The following CSMD1 variants were observed in gnomAD, a reference collection of about 807,000 sequenced individuals.
The protein encoded by CSMD1 is CUB and sushi domain-containing protein 1.
In CSMD1, 213 loss-of-function variants were observed where a neutral mutation model predicts 417.5. The ratio of observed to expected loss-of-function variants is 0.51; its 90% CI spans 0.46 to 0.57. The LOEUF (loss-of-function observed/expected upper bound fraction) is 0.57. Among genes scored for constraint, CSMD1 ranks in the 20% least tolerant of loss-of-function variants. The probability of loss-of-function intolerance (pLI) is 0.00; values close to 1 mark genes in which losing one functional copy is unlikely to be tolerated. For missense variants in CSMD1, 6,923 were observed against 4,529.7 expected, an observed-to-expected ratio of 1.53 and a Z score of -15.17; for synonymous variants, 2,862 against 1,736.8, an observed-to-expected ratio of 1.65 and a Z score of -16.11.
Position 4,499,737 on chromosome 8 carries a change from G to A in CSMD1, c.303-79672C>T, listed in dbSNP as rs570228944. On this transcript the variant is annotated intron_variant, in intron 2 of 69. Transcript: ENST00000635120. ...GTGAAGTTGATATGGGCATTGACAAGAATATTAGAAAAATAAGAAAGTTAG... is the reference window on the plus strand; with the variant it reads ...GTGAAGTTGATATGGGCATTGACAAAAATATTAGAAAAATAAGAAAGTTAG... Among the ~76,000 whole-genome samples the A allele has an allele frequency of 1.1e-4, 17 of 152,236 alleles. No individual in the cohort carries two copies. In the East Asian group the frequency reaches 1.7e-3, roughly 16 times the overall value.
At chr8:3,258,646 G>A (rs1800832464) in intron 26 of CSMD1, among the ~76,000 whole-genome samples, 1 of 152,180 alleles carries the variant, frequency 6.6e-6, no homozygotes, top group Non-Finnish European at 1.5e-5. Context: ...GCATGCATAT[G>A]TTCAGTGCAG....
chr8:4,757,139 G>C (rs1255058652), intron 1 of CSMD1, among the ~76,000 whole-genome samples: 2 of 152,314 alleles, frequency 1.3e-5, no homozygotes, highest in East Asian at 3.9e-4. Flanking sequence ...ACTGAGAATA[G>C]ATGCGAATAA....
intron 3 of CSMD1, among the ~76,000 whole-genome samples, chr8:4,145,258 T>C (rs1184069003): frequency 2.6e-5 from 4 of 151,056 alleles, no homozygotes; most frequent in Admixed American, 6.6e-5. Context: ...CAGGTATAAC[T>C]GGAACTTGTA....
At position 3,685,731 on chromosome 8, in the gene CSMD1, C is replaced by CT. The variant is rs35755010; in HGVS notation, c.1009+22682dup. On this transcript the variant is annotated intron_variant, in intron 7 of 69. Transcript: ENST00000635120. Reference sequence around the variant, plus strand: ...TAAGATCAGAAGGGTCAATTTCTTTCTTTTTTTTTATAACATGTTTTATTG... The same window carrying CT: ...TAAGATCAGAAGGGTCAATTTCTTTCTTTTTTTTTTATAACATGTTTTATTG... Among the ~76,000 whole-genome samples, 996 of 151,176 alleles carry CT rather than the reference C, an allele frequency of 6.6e-3. 12 individuals carry two copies. The highest frequency in any genetic ancestry group is 0.017 in the African/African-American group (692 of 41,140).
At chr8:4,321,928 T>G (rs775861858) in intron 3 of CSMD1, among the ~76,000 whole-genome samples, 2 of 152,128 alleles carry the variant, frequency 1.3e-5, no homozygotes, top group Non-Finnish European at 2.9e-5. Flanking sequence ...CAGTATATTT[T>G]TATTTCTGCA....
chr8:2,949,909 T>G (rs1362713320), intron 67 of CSMD1, among the ~76,000 whole-genome samples: 1 of 152,140 alleles, frequency 6.6e-6, no homozygotes, highest in Admixed American at 6.6e-5. Flanking sequence ...TCAAGCGGTC[T>G]TGGAAAATTT....
At chr8:4,195,307 G>T (rs193228517) in intron 3 of CSMD1, among the ~76,000 whole-genome samples, 2 of 152,120 alleles carry the variant, frequency 1.3e-5, no homozygotes, top group Non-Finnish European at 2.9e-5. Flanking sequence ...AATATTAATA[G>T]GCAGAAAAGG....
chr8:3,359,829 C>G (rs893309373), intron 20 of CSMD1, among the ~76,000 whole-genome samples: 1 of 152,104 alleles, frequency 6.6e-6, no homozygotes, highest in Non-Finnish European at 1.5e-5. Flanking sequence ...GTCACACATT[C>G]TACTCATGTA....
chr8:3,651,363 C>T (rs1797848733), intron 7 of CSMD1, among the ~76,000 whole-genome samples: 2 of 152,136 alleles, frequency 1.3e-5, no homozygotes, highest in African/African-American at 2.4e-5. Flanking sequence ...TCACATAGGT[C>T]TTCTGTCTCC....
At position 4,387,768 on chromosome 8, in the gene CSMD1, G is replaced by A. The variant is rs539562378; in HGVS notation, c.415+32185C>T. ...AACATATTCAAAAATCCTATCTGAA[G>A]GCTTATGAGAATTAACAAGACGGAT... is the stretch of plus-strand genomic sequence containing the variant. On this transcript the variant is annotated intron_variant, in intron 3 of 69. Coordinates refer to ENST00000635120, the MANE Select transcript of CSMD1 (RefSeq NM_033225.6). Among the ~76,000 whole-genome samples the A allele has an allele frequency of 2.8e-4, 42 of 151,960 alleles. 1 individual carries two copies. In the South Asian group the frequency reaches 5.8e-3, roughly 21 times the overall value.
At chr8:4,778,718 C>T (rs1280494553) in intron 1 of CSMD1, among the ~76,000 whole-genome samples, 1 of 152,094 alleles carries the variant, frequency 6.6e-6, no homozygotes, top group Admixed American at 6.6e-5. Flanking sequence ...TGGGACTATG[C>T]CCATTTTATA....
chr8:2,981,983 T>G (rs1462097086), intron 54 of CSMD1, among the ~76,000 whole-genome samples: 1 of 152,128 alleles, frequency 6.6e-6, no homozygotes, highest in African/African-American at 2.4e-5. Context: ...TAGAGGTGAC[T>G]CATTAAGCTA....
At chr8:4,681,038 G>C (rs936222941) in intron 1 of CSMD1, among the ~76,000 whole-genome samples, 6 of 151,336 alleles carry the variant, frequency 4.0e-5, no homozygotes, top group Non-Finnish European at 8.8e-5. Context: ...AAACCTCCTT[G>C]TTTTTTAAAT....
intron 26 of CSMD1, among the ~76,000 whole-genome samples, chr8:3,232,542 G>A (rs777202851): frequency 5.3e-5 from 8 of 152,110 alleles, no homozygotes; most frequent in African/African-American, 1.2e-4. Flanking sequence ...ATGCTGCTGC[G>A]AAAACTCTTG....
chr8:4,910,607 CA>C (rs777942177), intron 1 of CSMD1, among the ~76,000 whole-genome samples: 1 of 152,128 alleles, frequency 6.6e-6, no homozygotes, highest in Non-Finnish European at 1.5e-5. Flanking sequence ...AATCACTTCC[CA>C]AAGTCTGCTC....
At chr8:3,737,021 G>A (rs911631495) in intron 6 of CSMD1, among the ~76,000 whole-genome samples, 5 of 152,144 alleles carry the variant, frequency 3.3e-5, no homozygotes, top group African/African-American at 1.2e-4. Flanking sequence ...CACGACTGTG[G>A]TTACATGATT....
intron 15 of CSMD1, among the ~76,000 whole-genome samples, chr8:3,403,754 C>T (rs143852905): frequency 1.3e-5 from 2 of 152,256 alleles, no homozygotes; most frequent in Admixed American, 1.3e-4. Flanking sequence ...ATACGATTTG[C>T]ACCTGTGACT....
chr8:3,887,206 C>T lies in CSMD1; in HGVS notation c.818+110697G>A, dbSNP rs188535210. On this transcript the variant is annotated intron_variant, in intron 5 of 69. Transcript: ENST00000635120. Reference sequence around the variant, plus strand: ...TGTTCAAGCGCCCAGAGGCAATCAGCGTCAACAAGGAACATCTTAGCCATG... The same window carrying T: ...TGTTCAAGCGCCCAGAGGCAATCAGTGTCAACAAGGAACATCTTAGCCATG... Among the ~76,000 whole-genome samples the T allele has an allele frequency of 1.2e-4, 19 of 152,256 alleles. No individual in the cohort carries two copies. The South Asian group carries it at 2.1e-3, about 17-fold the overall frequency.
In CSMD1 at chr8:3,387,593, C is replaced by G; in HGVS notation, c.2683G>C (p.Val895Leu). Residue 895 changes from valine (V) to leucine (L), a missense_variant, in exon 18 of 70, where the codon GTG becomes CTG. Physicochemically the swap from Val to Leu is conservative, Grantham distance 32 (BLOSUM62 1). Transcript: ENST00000635120. ...HGGDFGIRST[V>L]TFSCDPGYTL... is the part of the protein sequence containing the mutation. ...TACCCCGGGTCACAGCTGAAAGTCA[C>G]TGTGGACCTGATGCCAAAGTCTCCA... is the stretch of plus-strand genomic sequence containing the variant. 2.5e-6 allele frequency: 4 copies of G among 1,601,170 alleles called. No homozygotes were observed. The highest frequency in any genetic ancestry group is 2.3e-5 in the South Asian group (2 of 88,478).
Sources: gnomAD v4.1 joint callset for allele counts (sites outside exome capture counted in the v4.1 genomes callset) on GRCh38, gnomAD v4.1.1 for gene constraint, MANE v1.5 for transcripts, NCBI Gene and HGNC (gene_info 2026-07-23, HGNC 2026-07-21) for gene names.